The following N4BP2L1 variants were observed in gnomAD, a reference collection of about 807,000 sequenced individuals.
N4BP2L1 encodes the protein NEDD4-binding protein 2-like 1.
In N4BP2L1, 12 loss-of-function variants were observed where a neutral mutation model predicts 21.2. The ratio of observed to expected loss-of-function variants is 0.57; its 90% confidence interval spans 0.36 to 0.92. The LOEUF is 0.92. Among genes scored for constraint, N4BP2L1 ranks in the 40% least tolerant of loss-of-function variants. The pLI, the probability that N4BP2L1 is intolerant of heterozygous loss-of-function variation, is 0.01. For missense variants in N4BP2L1, 259 were observed against 310.6 expected (o/e 0.83, Z 1.25); for synonymous variants, 104 against 112.8 (o/e 0.92, Z 0.49).
Position 32,407,550 on chromosome 13 carries a change from G to A in N4BP2L1, c.307+95C>T, listed in dbSNP as rs751206855. On this transcript the variant is annotated intron_variant, in intron 2 of 4. Coordinates refer to ENST00000380130, the MANE Select transcript of N4BP2L1 (RefSeq NM_052818.3). Reference sequence around the variant, plus strand: ...TGGGGGAAAAATTGGCAGAACTTTCGGTTAAACTCCTTCCATAAAATTTAT... The same window carrying A: ...TGGGGGAAAAATTGGCAGAACTTTCAGTTAAACTCCTTCCATAAAATTTAT... 2.8e-5 allele frequency: 45 copies of A among 1,601,542 alleles called. No homozygotes were observed. In the East Asian group the frequency reaches 4.7e-4, roughly 17 times the overall value.
At position 32,407,256 on chromosome 13, in the gene N4BP2L1, T is replaced by G. The variant is rs1489954891; in HGVS notation, c.390A>C (p.Ala130=). The change falls in exon 3 of 5, where the codon GCA becomes GCC. Residue 130 remains alanine (A), a synonymous_variant. Coordinates refer to ENST00000380130, the MANE Select transcript of N4BP2L1 (RefSeq NM_052818.3). Reference sequence around the variant, plus strand: ...GAATGATACTTCTTCCTACCATGACTGCATAGGGCTTCATTTCCCAGGCGT... The same window carrying G: ...GAATGATACTTCTTCCTACCATGACGGCATAGGGCTTCATTTCCCAGGCGT... ...NLHAWEMKPY[A]VMALENNYEV... 1 of 1,613,866 alleles carries G rather than the reference T, an allele frequency of 6.2e-7. No individual in the cohort carries two copies.
intron 1 of N4BP2L1, among the ~76,000 whole-genome samples, chr13:32,414,157 C>T (rs983615887): frequency 3.9e-5 from 6 of 152,196 alleles, no homozygotes; most frequent in African/African-American, 1.4e-4. Flanking sequence ...GCTGGGATTA[C>T]AGGCGTGAGC....
At chr13:32,425,763 G>GACCA (rs2074727144) in intron 1 of N4BP2L1, 1 of 151,962 alleles carries the variant, frequency 6.6e-6, no homozygotes, top group South Asian at 2.1e-4. Context: ...TTTTTAATCT[G>GACCA]ACCACTGGAA....
intron 3 of N4BP2L1, among the ~76,000 whole-genome samples, chr13:32,405,921 G>A (rs1198728727): frequency 4.4e-5 from 1 of 22,758 alleles, no homozygotes; most frequent in Admixed American, 4.9e-4. Flanking sequence ...TTTTTTTTTT[G>A]AGACAGAGTC....
In N4BP2L1 at chr13:32,401,342, C is replaced by A. The variant is rs545563421; in HGVS notation, c.*1600G>T. On this transcript the variant is annotated 3_prime_UTR_variant, in exon 5 of 5. Transcript: ENST00000380130. ...CATTAGGAGATTATTTTATGTTGTG[C>A]TTGGAGATACAGAAGTTAGCAAAGC... The A allele has an allele frequency of 2.6e-4, 40 of 152,214 alleles. No individual in the cohort carries two copies. The highest frequency in any genetic ancestry group is 9.4e-4 in the African/African-American group (39 of 41,524). The allele number at this position is 152,214 out of a possible 1,614,324, so 9.4% of individuals were successfully genotyped here. A position where few individuals can be genotyped will look rare whatever the true frequency, so the allele number is the denominator to read the frequency against.
intron 1 of N4BP2L1, among the ~76,000 whole-genome samples, chr13:32,413,250 T>C (rs1817160067): frequency 6.6e-6 from 1 of 152,160 alleles, no homozygotes; most frequent in Non-Finnish European, 1.5e-5. Context: ...TAAATTTAAA[T>C]TTTTAAAAAT....
chr13:32,427,535 C>T (rs1593334722), intron 1 of N4BP2L1, among the ~76,000 whole-genome samples: 1 of 152,260 alleles, frequency 6.6e-6, no homozygotes. Context: ...TGCTTCGGCC[C>T]GGCTGGCCCC....
At chr13:32,403,724 G>A (rs1480138481) in intron 4 of N4BP2L1, 1 of 536,026 alleles carries the variant, frequency 1.9e-6, no homozygotes, top group Non-Finnish European at 3.8e-6. Context: ...CAATTCTGAT[G>A]GAGTAGTCCA....
chr13:32,420,307 C>T (rs1244029699), intron 1 of N4BP2L1: 1 of 152,230 alleles, frequency 6.6e-6, no homozygotes, highest in Non-Finnish European at 1.5e-5. Context: ...GCAGGTTTCA[C>T]CTGTGTTTGT....
At chr13:32,422,623 G>A (rs1272748050) in intron 1 of N4BP2L1, among the ~76,000 whole-genome samples, 1 of 152,166 alleles carries the variant, frequency 6.6e-6, no homozygotes, top group East Asian at 1.9e-4. Context: ...TGTTTGTGGT[G>A]AATCTCCTGT....
At chr13:32,423,451 T>C (rs1292360085) in intron 1 of N4BP2L1, among the ~76,000 whole-genome samples, 1 of 152,184 alleles carries the variant, frequency 6.6e-6, no homozygotes, top group African/African-American at 2.4e-5. Context: ...TTCAAAAAAA[T>C]TCTGGGGAAC....
Position 32,407,640 on chromosome 13 carries a change from G to A in N4BP2L1, c.307+5C>T, listed in dbSNP as rs2073609335. ...TTCCCAGGAGTTTGGGAAGGAATTT[G>A]TCACCTCTTTTTTGGTTCCATTCAT... On this transcript the variant is annotated splice_donor_5th_base_variant and intron_variant, in intron 2 of 4. Transcript: ENST00000380130. The A allele has an allele frequency of 1.2e-6, 2 of 1,612,708 alleles. No homozygotes were observed. Among genetic ancestry groups the A allele is most frequent in the African/African-American group, 1.3e-5 (1 of 74,924 alleles).
chr13:32,415,981 G>A (rs913647564), intron 1 of N4BP2L1: 2 of 152,144 alleles, frequency 1.3e-5, no homozygotes, highest in African/African-American at 4.8e-5. Context: ...AGGTCCACAA[G>A]GGCAGGATCT....
chr13:32,410,225 A>G (rs900393871), intron 1 of N4BP2L1, among the ~76,000 whole-genome samples: 1 of 152,234 alleles, frequency 6.6e-6, no homozygotes, highest in Admixed American at 6.5e-5. Flanking sequence ...GAGTGCCCTA[A>G]GCAGGGTCCT....
At chr13:32,427,425 G>T (rs929816563) in intron 1 of N4BP2L1, among the ~76,000 whole-genome samples, 11 of 152,258 alleles carry the variant, frequency 7.2e-5, no homozygotes, top group African/African-American at 2.7e-4. Context: ...CCGCCTGCGC[G>T]CCAGCGGGGC....
At chr13:32,419,527 C>A (rs2074355623) in intron 1 of N4BP2L1, 7 of 301,304 alleles carry the variant, frequency 2.3e-5, no homozygotes, top group South Asian at 1.8e-4. Flanking sequence ...CTGCCTTGGC[C>A]TCCCAAAGTG....
Position 32,402,317 on chromosome 13 carries a change from G to T in N4BP2L1, c.*625C>A. On this transcript the variant is annotated 3_prime_UTR_variant, in exon 5 of 5. Coordinates refer to ENST00000380130, the MANE Select transcript of N4BP2L1 (RefSeq NM_052818.3). ...TAGCTCCTGTAGCTATTAAGGATTTGACAGCATTTTTAACAATGATACATC... is the reference window on the plus strand; with the variant it reads ...TAGCTCCTGTAGCTATTAAGGATTTTACAGCATTTTTAACAATGATACATC... The T allele has an allele frequency of 8.6e-6, 5 of 581,572 alleles. No individual in the cohort carries two copies. The highest frequency in any genetic ancestry group is 1.1e-5 in the Non-Finnish European group (5 of 461,442). The allele number at this position is 581,572 out of a possible 1,614,324, so 36.0% of individuals were successfully genotyped here.
intron 1 of N4BP2L1, among the ~76,000 whole-genome samples, chr13:32,411,221 C>T (rs947483098): frequency 6.6e-6 from 1 of 152,066 alleles, no homozygotes; most frequent in Non-Finnish European, 1.5e-5. Context: ...GGGGCAAGAA[C>T]ACCATCCATC....
At chr13:32,429,219 A>C (rs2074930534), upstream of N4BP2L1, among the ~76,000 whole-genome samples, 1 of 152,254 alleles carries the variant, frequency 6.6e-6, no homozygotes, top group Admixed American at 6.5e-5. Flanking sequence ...GGACTATCCA[A>C]GTGGGGAGGG....
Sources: gnomAD v4.1 joint callset for allele counts (sites outside exome capture counted in the v4.1 genomes callset) on GRCh38, gnomAD v4.1.1 for gene constraint, MANE v1.5 for transcripts, NCBI Gene and HGNC (gene_info 2026-07-23, HGNC 2026-07-21) for gene names.